GRIP2: variants seen among roughly 807,000 people sequenced by gnomAD.
GRIP2 encodes the protein glutamate receptor-interacting protein 2.
GRIP2 carries 58 observed loss-of-function variants against 108.3 expected under a neutral mutation model. The ratio of observed to expected loss-of-function variants is 0.54; its 90% CI spans 0.43 to 0.67. GRIP2 has a LOEUF of 0.67. Among genes scored for constraint, GRIP2 ranks in the 30% least tolerant of loss-of-function variants. The pLI is 0.00. For missense variants in GRIP2, 1,278 were observed against 1,430.6 expected, an observed-to-expected ratio of 0.89 and a Z score of 1.72; for synonymous variants, 586 against 598.2, an observed-to-expected ratio of 0.98 and a Z score of 0.30.
intron 1 of GRIP2, 32 bp from the exon 2 acceptor site, chr3:14,525,963 C>T: frequency 2.6e-6 from 4 of 1,540,414 alleles, no homozygotes; most frequent in Non-Finnish European, 3.5e-6. Context: ...AGGCCGAGTT[C>T]CACTTTCGTT....
At chr3:14,571,583 A>C in the GRIP2 span, among the ~76,000 whole-genome samples, 5 of 152,212 alleles carry the variant, frequency 3.3e-5, no homozygotes, top group African/African-American at 1.2e-4. Context: ...GGCCTGAAGA[A>C]TGACAGCCTG....
Position 14,524,542 on chromosome 3 carries a change from G to T in GRIP2, c.258-4C>A, listed in dbSNP as rs532167380. On this transcript the variant is annotated splice_region_variant and splice_polypyrimidine_tract_variant and intron_variant, in intron 3 of 23. Transcript: ENST00000621039. ...ACCAATGTTCAGCAGATCACTCCTAGAGCAGGAAGGCCAGGGCACACATGG... is the reference window on the plus strand; with the variant it reads ...ACCAATGTTCAGCAGATCACTCCTATAGCAGGAAGGCCAGGGCACACATGG... The T allele has an allele frequency of 1.9e-6, 3 of 1,551,658 alleles. No homozygotes were observed. The East Asian group carries it at 7.3e-5, about 38-fold the overall frequency.
At chr3:14,562,282 C>T in the GRIP2 span, among the ~76,000 whole-genome samples, 1 of 152,136 alleles carries the variant, frequency 6.6e-6, no homozygotes, top group African/African-American at 2.4e-5. Flanking sequence ...CTTGTAGTCT[C>T]AGAAAGTAAG....
In GRIP2 at chr3:14,520,247, AG is replaced by A; in HGVS notation, c.892del (p.Leu298CysfsTer41). On this transcript the variant is annotated frameshift_variant, in exon 9 of 24. Transcript: ENST00000621039. LOFTEE classifies it high-confidence loss of function. ...TTCCATGCTGGTGCCATCGATGGAC[AG>A]GATGTGGTCTCCAGGGTGCAGGGCT... Reference protein sequence around the residue: ...SGALHPGDHILSIDGTSMEHC... With the variant: ...SGALHPGDHIXSIDGTSMEHC... 1 of 1,613,920 alleles carries A rather than the reference AG, an allele frequency of 6.2e-7. No individual in the cohort carries two copies. Among genetic ancestry groups the A allele is most frequent in the East Asian group, 2.2e-5 (1 of 44,886 alleles).
At chr3:14,594,918 A>T in the GRIP2 span, among the ~76,000 whole-genome samples, 1 of 148,034 alleles carries the variant, frequency 6.8e-6, no homozygotes, top group Non-Finnish European at 1.5e-5. Flanking sequence ...TTATTATTAA[A>T]CAGAGTCTCA....
At chr3:14,552,832 A>T (rs994010619) in intron 1 of GRIP2, among the ~76,000 whole-genome samples, 2 of 151,944 alleles carry the variant, frequency 1.3e-5, no homozygotes, top group African/African-American at 4.8e-5. Flanking sequence ...GCCTCAAGTG[A>T]TCTGCCCACC....
upstream of GRIP2, among the ~76,000 whole-genome samples, chr3:14,546,541 G>A (rs1037115050): frequency 6.6e-6 from 1 of 152,150 alleles, no homozygotes; most frequent in South Asian, 2.1e-4. Context: ...CTCCTCTAAT[G>A]ACAGCCAATA....
At chr3:14,573,354 C>A in the GRIP2 span, 1 of 1,349,734 alleles carries the variant, frequency 7.4e-7, no homozygotes, top group South Asian at 1.2e-5. Context: ...GTGGTGCCAC[C>A]CTGCCAGCTT....
chr3:14,563,787 G>A, the GRIP2 span, among the ~76,000 whole-genome samples: 1 of 152,170 alleles, frequency 6.6e-6, no homozygotes, highest in Non-Finnish European at 1.5e-5. Context: ...GTGGCATCCA[G>A]GCAGTGGCCA....
At chr3:14,591,073 G>A in the GRIP2 span, among the ~76,000 whole-genome samples, 5 of 152,168 alleles carry the variant, frequency 3.3e-5, no homozygotes, top group Non-Finnish European at 1.5e-5. Flanking sequence ...TAACAGGCCA[G>A]TCACACTACT....
intron 11 of GRIP2, among the ~76,000 whole-genome samples, chr3:14,516,385 G>A (rs1362784759): frequency 2.6e-5 from 4 of 152,184 alleles, no homozygotes; most frequent in East Asian, 1.9e-4. Flanking sequence ...CATGTGGCAG[G>A]AGGCTGAGAA....
In GRIP2 at chr3:14,505,889, G is replaced by T. The variant is rs763457792; in HGVS notation, c.2399-100C>A. 58 of 1,144,962 alleles carry T rather than the reference G, an allele frequency of 5.1e-5. No individual in the cohort carries two copies. Among genetic ancestry groups the T allele is most frequent in the Non-Finnish European group, 6.7e-5 (56 of 835,820 alleles). 70.9% of individuals were successfully genotyped at this position (1,144,962 alleles called of 1,614,324 possible). A position where few individuals can be genotyped will look rare whatever the true frequency, so the allele number is the denominator to read the frequency against. On this transcript the variant is annotated intron_variant, in intron 19 of 23. Transcript: ENST00000621039. This position sits in a 1 kb window ranked among gnomAD's most constrained non-coding sequence, Gnocchi z 4.2. ...GCTGAGTGACCCTGGGGAGGTCGTT[G>T]CTCCTCTCTGGGCCTGCATCTACAC...
In GRIP2 at chr3:14,524,063, T is replaced by C. The variant is rs1211539808; in HGVS notation, c.403+330A>G. 6.2e-5 allele frequency: 30 copies of C among 483,468 alleles called. No homozygotes were observed. The East Asian group carries it at 7.1e-4, about 11-fold the overall frequency. The allele number at this position is 483,468 out of a possible 1,614,324, so 29.9% of individuals were successfully genotyped here. ...GCTAGGTGAAACCCTACACCACCGT[T>C]ACTTAGTGCAGGGCAGTGGAGTGTG... is the stretch of plus-strand genomic sequence containing the variant. On this transcript the variant is annotated intron_variant, in intron 4 of 23. Transcript: ENST00000621039.
In GRIP2 at chr3:14,490,380, T is replaced by G. The variant is rs1210462840; in HGVS notation, c.*3285A>C. On this transcript the variant is annotated 3_prime_UTR_variant, in exon 24 of 24. Coordinates refer to ENST00000621039, the MANE Select transcript of GRIP2 (RefSeq NM_001080423.4). ...ACCACTCCCAAGACAGAGTACTCGC[T>G]TCCTGGAAAGAAGCTCTTCCTCTGC... 1 of 152,454 alleles carries G rather than the reference T, an allele frequency of 6.6e-6. No individual in the cohort carries two copies. Among genetic ancestry groups the G allele is most frequent in the Non-Finnish European group, 1.5e-5 (1 of 68,214 alleles). 9.4% of individuals were successfully genotyped at this position (152,454 alleles called of 1,614,324 possible). A position where few individuals can be genotyped will look rare whatever the true frequency, so the allele number is the denominator to read the frequency against.
chr3:14,498,187 T>C (rs529152830), intron 21 of GRIP2, among the ~76,000 whole-genome samples: 1 of 152,322 alleles, frequency 6.6e-6, no homozygotes, highest in Admixed American at 6.5e-5. Context: ...TTACGTTGGT[T>C]GTGGTGGTTT....
At chr3:14,499,937 T>A (rs1357208063) in intron 21 of GRIP2, among the ~76,000 whole-genome samples, 3 of 152,168 alleles carry the variant, frequency 2.0e-5, no homozygotes, top group African/African-American at 7.2e-5. Context: ...TTTATGAATT[T>A]GTGTAAAATT....
At chr3:14,533,980 G>T (rs977824345) in intron 1 of GRIP2, among the ~76,000 whole-genome samples, 1 of 152,202 alleles carries the variant, frequency 6.6e-6, no homozygotes, top group Non-Finnish European at 1.5e-5. Context: ...GGCATCTCAG[G>T]GTGTGCCCTT....
rs1271925042 is a variant in GRIP2, at chr3:14,490,056, TG to T, written c.*3608del. 6.6e-6 allele frequency: 1 copy of T among 152,134 alleles called. No homozygotes were observed. The highest frequency in any genetic ancestry group is 1.5e-5 in the Non-Finnish European group (1 of 68,032). 9.4% of individuals were successfully genotyped at this position (152,134 alleles called of 1,614,324 possible). ...TTCTCAGTAACTCATTTATAGACAA[TG>T]TTAGAATAGAAGACCACCCTACCCC... On this transcript the variant is annotated 3_prime_UTR_variant, in exon 24 of 24. Coordinates refer to ENST00000621039, the MANE Select transcript of GRIP2 (RefSeq NM_001080423.4).
intron 1 of GRIP2, 183 bp from the exon 2 acceptor site, chr3:14,526,114 G>GC: frequency 1.6e-6 from 1 of 630,178 alleles, no homozygotes; most frequent in Non-Finnish European, 2.9e-6. Context: ...AGAAAGCCTG[G>GC]CCCCTGCTCT....
Sources: allele counts gnomAD v4.1 joint callset (sites outside exome capture counted in the v4.1 genomes callset), GRCh38; gene constraint gnomAD v4.1.1; non-coding constraint Gnocchi (gnomAD v3.1); transcripts MANE v1.5; gene names NCBI Gene and HGNC (gene_info 2026-07-23, HGNC 2026-07-21).